The following TANGO6 variants were observed in gnomAD, a reference collection of about 807,000 sequenced individuals.
TANGO6 encodes transport and golgi organization 6 homolog, also known as transport and Golgi organization protein 6 homolog.
Under a neutral mutation model 114.2 loss-of-function variants are expected in TANGO6, and 90 were observed. That is an observed-to-expected ratio of 0.79 (90% CI 0.66 to 0.94). TANGO6 has a LOEUF of 0.94. TANGO6 is among the 40% of genes least tolerant of loss of function. The probability of loss-of-function intolerance (pLI) is 0.00; values close to 1 mark genes in which losing one functional copy is unlikely to be tolerated. For synonymous variants in TANGO6, 477 were observed against 509.8 expected (o/e 0.94, Z 0.87); for missense variants, 1,274 against 1,315.3 (o/e 0.97, Z 0.49).
intron 3 of TANGO6, among the ~76,000 whole-genome samples, chr16:68,864,411 G>C (rs6499206): frequency 0.31 from 46,561 of 151,546 alleles, 8,462 homozygotes; most frequent in African/African-American, 0.52. Context: ...CCTGTCCCTA[G>C]AAAAGATAAA....
In TANGO6 at chr16:68,999,090, C is replaced by T. The variant is rs527765125; in HGVS notation, c.2843-23738C>T. Reference sequence around the variant, plus strand: ...GAAAAGACAGGGTTTTGCCATGTTGCCCAGGCTGATCTTGAACTCCTGAGC... The same window carrying T: ...GAAAAGACAGGGTTTTGCCATGTTGTCCAGGCTGATCTTGAACTCCTGAGC... On this transcript the variant is annotated intron_variant, in intron 15 of 17. Transcript: ENST00000261778. Among the ~76,000 whole-genome samples, 5 of 152,142 alleles carry T rather than the reference C, an allele frequency of 3.3e-5. No homozygotes were observed. The South Asian group carries it at 1.0e-3, about 32-fold the overall frequency.
intron 17 of TANGO6, among the ~76,000 whole-genome samples, chr16:69,061,135 G>A (rs79115749): frequency 0.024 from 3,600 of 152,194 alleles, 143 homozygotes; most frequent in African/African-American, 0.081. Flanking sequence ...TCCTTACTTG[G>A]AAACACCTAC....
At position 69,041,314 on chromosome 16, in the gene TANGO6, C is replaced by T. The variant is rs566231412; in HGVS notation, c.3108+893C>T. Among the ~76,000 whole-genome samples, 6 of 152,018 alleles carry T rather than the reference C, an allele frequency of 3.9e-5. No homozygotes were observed. In the East Asian group the frequency reaches 1.2e-3, roughly 29 times the overall value. ...ATACAAAATTAGCCAGGTGTGGTGG[C>T]GCATGCCTGTAATCCCATCTACTCG... is the stretch of plus-strand genomic sequence containing the variant. On this transcript the variant is annotated intron_variant, in intron 17 of 17. Transcript: ENST00000261778.
chr16:68,963,850 GT>G (rs1220302673), intron 14 of TANGO6, among the ~76,000 whole-genome samples: 3 of 152,156 alleles, frequency 2.0e-5, no homozygotes, highest in African/African-American at 7.2e-5. Flanking sequence ...TTTTGCTCTA[GT>G]TTTGTTCTAT....
chr16:68,868,274 A>G (rs963751333), intron 4 of TANGO6, among the ~76,000 whole-genome samples: 5 of 152,080 alleles, frequency 3.3e-5, no homozygotes, highest in Non-Finnish European at 7.4e-5. Context: ...CATTAATAGG[A>G]AAAAAGTTAA....
intron 14 of TANGO6, 191 bp from the exon 15 acceptor site, chr16:68,973,837 G>A: frequency 1.6e-6 from 1 of 612,114 alleles, no homozygotes; most frequent in Non-Finnish European, 2.9e-6. Context: ...ACAAACACAG[G>A]AGTCTCAACT....
At chr16:69,002,030 G>A (rs181211720) in intron 15 of TANGO6, among the ~76,000 whole-genome samples, 24 of 152,248 alleles carry the variant, frequency 1.6e-4, no homozygotes, top group African/African-American at 4.6e-4. Context: ...GTAATGTGAT[G>A]CAAAACAGAG....
In TANGO6 at chr16:69,007,856, A is replaced by G. The variant is rs547920872; in HGVS notation, c.2843-14972A>G. 3.0e-4 allele frequency among the ~76,000 whole-genome samples: 46 copies of G among 152,254 alleles called. 1 individual carries two copies. The highest frequency in any genetic ancestry group is 1.0e-3 in the African/African-American group (42 of 41,552). On this transcript the variant is annotated intron_variant, in intron 15 of 17. Transcript: ENST00000261778. ...ATTACAGCCCTCCCAGTGGATATGA[A>G]ATGATATCTCATTATGGTTTTGATT...
At chr16:68,869,672 A>G (rs190506769) in intron 4 of TANGO6, among the ~76,000 whole-genome samples, 5 of 152,150 alleles carry the variant, frequency 3.3e-5, no homozygotes, top group Admixed American at 1.3e-4. Context: ...TATCTCCCTT[A>G]TCCCCTGCCT....
At chr16:68,959,262 A>C (rs572803866) in intron 14 of TANGO6, among the ~76,000 whole-genome samples, 2 of 152,262 alleles carry the variant, frequency 1.3e-5, no homozygotes, top group South Asian at 4.1e-4. Flanking sequence ...GACTTGCCTA[A>C]TCATGTCATC....
chr16:68,861,415 G>A (rs1046113617), intron 2 of TANGO6, among the ~76,000 whole-genome samples: 4 of 152,060 alleles, frequency 2.6e-5, no homozygotes, highest in South Asian at 2.1e-4. Flanking sequence ...ATAAACATTT[G>A]CCTAAAAGCC....
intron 7 of TANGO6, among the ~76,000 whole-genome samples, chr16:68,897,158 C>T (rs1162122420): frequency 6.6e-6 from 1 of 152,140 alleles, no homozygotes; most frequent in Non-Finnish European, 1.5e-5. Flanking sequence ...GCCTCTGCCT[C>T]CCAAAGTGCT....
intron 17 of TANGO6, among the ~76,000 whole-genome samples, chr16:69,075,762 CTTTTT>C (rs751940886): frequency 1.6e-5 from 2 of 127,566 alleles, no homozygotes; most frequent in African/African-American, 5.8e-5. Flanking sequence ...CTGAATTCAA[CTTTTT>C]TTTTTTTTTT....
rs71383940 is a variant in TANGO6 at position 68,859,864 on chromosome 16, C to CT, written c.95-13dup. The stretch of plus-strand genomic sequence containing the variant: ...TTGTTTTCTATGTGTATAAACTCTC[C>CT]TTTTTTTCTTCTTCAAAAGGCTCGG... On this transcript the variant is annotated intron_variant, in intron 1 of 17. Transcript: ENST00000261778. The CT allele has an allele frequency of 6.5e-7, 1 of 1,535,906 alleles. No individual in the cohort carries two copies. The highest frequency in any genetic ancestry group is 1.3e-5 in the South Asian group (1 of 75,500).
intron 11 of TANGO6, among the ~76,000 whole-genome samples, chr16:68,916,752 GT>G (rs971902924): frequency 1.3e-5 from 2 of 151,354 alleles, no homozygotes; most frequent in Admixed American, 6.6e-5. Flanking sequence ...TTTATAAAGA[GT>G]TTTTTTTTAG....
At chr16:68,912,285 C>G (rs537688814) in intron 11 of TANGO6, among the ~76,000 whole-genome samples, 3 of 152,178 alleles carry the variant, frequency 2.0e-5, no homozygotes, top group African/African-American at 7.2e-5. Context: ...ATTGCCTGAG[C>G]CCACGAGTTC....
At chr16:69,074,211 G>A (rs1342630747) in intron 17 of TANGO6, among the ~76,000 whole-genome samples, 3 of 151,952 alleles carry the variant, frequency 2.0e-5, no homozygotes, top group Admixed American at 6.6e-5. Flanking sequence ...TAAAATGCAG[G>A]GCTCCTTGCT....
At chr16:68,879,307 C>A (rs1186763211) in intron 6 of TANGO6, among the ~76,000 whole-genome samples, 1 of 150,748 alleles carries the variant, frequency 6.6e-6, no homozygotes, top group Admixed American at 6.6e-5. Flanking sequence ...CATAATGAGA[C>A]CCTGTCTTTA....
chr16:68,867,388 T>G, intron 4 of TANGO6, 168 bp downstream of exon 4: 2 of 752,638 alleles, frequency 2.7e-6, no homozygotes, highest in Non-Finnish European at 4.2e-6. Flanking sequence ...GAGCTTCTTT[T>G]CCAAAGAAAC....
Sources: allele counts gnomAD v4.1 joint callset (sites outside exome capture counted in the v4.1 genomes callset), GRCh38; gene constraint gnomAD v4.1.1; transcripts MANE v1.5; gene names NCBI Gene and HGNC (gene_info 2026-07-23, HGNC 2026-07-21).